The following PLEK2 variants were observed in gnomAD, a reference collection of about 807,000 sequenced individuals.
PLEK2 encodes pleckstrin 2.
Under a neutral mutation model 43.8 loss-of-function variants are expected in PLEK2, and 29 were observed. That is an observed-to-expected ratio of 0.66 (90% confidence interval 0.49 to 0.90). The LOEUF is 0.90. Ranked by LOEUF, PLEK2 falls within the 40% of genes least tolerant of loss-of-function variation. PLEK2 has a pLI of 0.00. For missense variants in PLEK2, 398 were observed against 448.1 expected (o/e 0.89, Z 1.01); for synonymous variants, 162 against 173.2 (o/e 0.94, Z 0.51).
At chr14:67,406,980 G>A (rs1447145563) in intron 1 of PLEK2, among the ~76,000 whole-genome samples, 2 of 152,124 alleles carry the variant, frequency 1.3e-5, no homozygotes, top group Non-Finnish European at 2.9e-5. Context: ...CTGAAGCAGG[G>A]GGTGCTTGGA....
At position 67,395,595 on chromosome 14, in the gene PLEK2, G is replaced by A. The variant is rs748871572; in HGVS notation, c.208-12C>T. On this transcript the variant is annotated splice_polypyrimidine_tract_variant and intron_variant, in intron 2 of 8. Transcript: ENST00000216446. ...AGCTTAATGAGGAGCTGTGGGAAGA[G>A]AGAGCCAGTCAGGCCAGCACTCAGG... is the stretch of plus-strand genomic sequence containing the variant. The A allele has an allele frequency of 1.8e-5, 29 of 1,613,602 alleles. No homozygotes were observed. The highest frequency in any genetic ancestry group is 2.4e-5 in the Non-Finnish European group (28 of 1,179,694).
chr14:67,409,641 G>T (rs950067634), intron 1 of PLEK2, among the ~76,000 whole-genome samples: 7 of 151,908 alleles, frequency 4.6e-5, no homozygotes, highest in Non-Finnish European at 7.4e-5. Flanking sequence ...CTTGCATTTT[G>T]CCTGGAACTC....
intron 1 of PLEK2, 43 bp downstream of exon 1, chr14:67,411,975 G>T: frequency 6.6e-7 from 1 of 1,506,274 alleles, no homozygotes; most frequent in Non-Finnish European, 8.9e-7. Context: ...CGCGTCGGCG[G>T]GGCCCCACCC....
intron 6 of PLEK2, among the ~76,000 whole-genome samples, chr14:67,391,263 C>T (rs964800733): frequency 7.3e-6 from 1 of 137,214 alleles, no homozygotes; most frequent in Non-Finnish European, 1.5e-5. Context: ...AATGTGTAAG[C>T]AGCTGATATG....
At position 67,397,743 on chromosome 14, in the gene PLEK2, C is replaced by T. The variant is rs748727309; in HGVS notation, c.126G>A (p.Arg42=). 19 of 1,613,272 alleles carry T rather than the reference C, an allele frequency of 1.2e-5. No individual in the cohort carries two copies. The Middle Eastern group carries it at 5.0e-4, about 42-fold the overall frequency. ...TCCGGCCCTTGGGAGGGGTCACTCT[C>T]CGACCCCCCTCAAGCTTGTAGTACA... The part of the protein sequence containing the change: ...TLVYYKLEGG[R]RVTPPKGRIL... Residue 42 remains arginine (R), a synonymous_variant, in exon 2 of 9, where the codon CGG becomes CGA. Transcript: ENST00000216446.
intron 1 of PLEK2, among the ~76,000 whole-genome samples, chr14:67,399,856 G>T (rs919495118): frequency 3.3e-5 from 5 of 152,256 alleles, no homozygotes; most frequent in Admixed American, 3.3e-4. Flanking sequence ...ATGGGGAAAT[G>T]TCTGCTGAGG....
At position 67,411,905 on chromosome 14, in the gene PLEK2, G is replaced by A. The variant is rs935296560; in HGVS notation, c.42+113C>T. 32 of 966,970 alleles carry A rather than the reference G, an allele frequency of 3.3e-5. No homozygotes were observed. In the Middle Eastern group the frequency reaches 8.6e-4, roughly 26 times the overall value. 59.9% of individuals were successfully genotyped at this position (966,970 alleles called of 1,614,324 possible). On this transcript the variant is annotated intron_variant, in intron 1 of 8. Coordinates refer to ENST00000216446, the MANE Select transcript of PLEK2 (RefSeq NM_016445.3). The stretch of plus-strand genomic sequence containing the variant: ...GCGGCCCGGTCCCACCATGGGGGTT[G>A]GGGATGGGAACCAGAGCATGCCCGT...
intron 2 of PLEK2, among the ~76,000 whole-genome samples, 184 bp from the exon 3 acceptor site, chr14:67,395,767 G>A (rs1400548697): frequency 1.3e-5 from 2 of 152,186 alleles, no homozygotes; most frequent in Admixed American, 6.5e-5. Flanking sequence ...GGAAGCTTGC[G>A]GCCTCACACT....
At position 67,393,189 on chromosome 14, in the gene PLEK2, T is replaced by A. The variant is rs752399013; in HGVS notation, c.442A>T (p.Asn148Tyr). Residue 148 changes from asparagine to tyrosine, a missense_variant, in exon 4 of 9, where the codon AAC becomes TAC. By Grantham distance (143) the Asn-to-Tyr change is moderately radical. Coordinates refer to ENST00000216446, the MANE Select transcript of PLEK2 (RefSeq NM_016445.3). The stretch of plus-strand genomic sequence containing the variant: ...TTATAGGTGCTTCCCTGCTCCATGT[T>A]GGGGCTTGAACGGATTCCGGTGTTG... ...DSNTGIRSSP[N>Y]MEQGSTYKKT... 1.2e-6 allele frequency: 2 copies of A among 1,614,052 alleles called. No homozygotes were observed. The highest frequency in any genetic ancestry group is 1.7e-5 in the Admixed American group (1 of 60,028).
intron 2 of PLEK2, among the ~76,000 whole-genome samples, chr14:67,396,288 C>G (rs1432314351): frequency 2.6e-5 from 4 of 151,610 alleles, no homozygotes; most frequent in African/African-American, 7.3e-5. Flanking sequence ...GATGGGACTA[C>G]AGACGCCCAC....
intron 7 of PLEK2, among the ~76,000 whole-genome samples, chr14:67,388,660 CAG>C (rs1310515014): frequency 6.6e-6 from 1 of 152,166 alleles, no homozygotes; most frequent in Non-Finnish European, 1.5e-5. Context: ...ACAAAGCAAT[CAG>C]AAATATATAT....
Position 67,395,325 on chromosome 14 carries a change from C to G in PLEK2, c.389+77G>C, listed in dbSNP as rs895707599. ...GACTGTGCAGCAAGCACAGAGCCCC[C>G]CCAAGGGGCAGGGTCCCCTGCCCAC... On this transcript the variant is annotated intron_variant, in intron 3 of 8. Transcript: ENST00000216446. 5.6e-5 allele frequency: 75 copies of G among 1,346,978 alleles called. No individual in the cohort carries two copies. In the African/African-American group the frequency reaches 1.0e-3, roughly 18 times the overall value. The allele number at this position is 1,346,978 out of a possible 1,614,324, so 83.4% of individuals were successfully genotyped here. A position where few individuals can be genotyped will look rare whatever the true frequency, so the allele number is the denominator to read the frequency against.
intron 1 of PLEK2, among the ~76,000 whole-genome samples, chr14:67,405,224 C>CAA (rs770594121): frequency 0.011 from 417 of 39,270 alleles, 6 homozygotes; most frequent in African/African-American, 0.028. Context: ...GAGTCCATCT[C>CAA]AAAAAAAAAA....
In PLEK2 at chr14:67,388,257, C is replaced by A. The variant is rs370486014; in HGVS notation, c.901G>T (p.Val301Leu). 5 of 1,613,412 alleles carry A rather than the reference C, an allele frequency of 3.1e-6. No homozygotes were observed. In the African/African-American group the frequency reaches 6.7e-5, roughly 22 times the overall value. Residue 301 changes from valine (V) to leucine (L), a missense_variant, in exon 8 of 9, where the codon GTG becomes TTG. Transcript: ENST00000216446. ...VGGFSLRGSL[V>L]SALEDNGVPT... is the part of the protein sequence containing the mutation. ...ACGCCATTATCTTCCAGAGCAGACA[C>A]GAGTGAACCACGAAGAGAAAACCCA...
At chr14:67,389,201 G>T (rs2085949509) in intron 7 of PLEK2, among the ~76,000 whole-genome samples, 1 of 151,938 alleles carries the variant, frequency 6.6e-6, no homozygotes. Flanking sequence ...GCAAGAGGTA[G>T]GGCAAAAAAT....
At chr14:67,407,614 T>C (rs574589386) in intron 1 of PLEK2, among the ~76,000 whole-genome samples, 1 of 152,056 alleles carries the variant, frequency 6.6e-6, no homozygotes, top group South Asian at 2.1e-4. Context: ...CTAATTATTT[T>C]ATTTTTTGTA....
At chr14:67,393,820 T>C (rs2085987346) in intron 3 of PLEK2, among the ~76,000 whole-genome samples, 1 of 152,150 alleles carries the variant, frequency 6.6e-6, no homozygotes, top group Non-Finnish European at 1.5e-5. Flanking sequence ...CTCATAAAGA[T>C]GTTTATCTAA....
At position 67,387,361 on chromosome 14, in the gene PLEK2, C is replaced by A. The variant is rs763805895; in HGVS notation, c.1030G>T (p.Glu344Ter). Residue 344 changes from glutamate (E) to a stop codon, truncating the protein, a stop_gained, in exon 9 of 9, where the codon GAG becomes TAG. Coordinates refer to ENST00000216446, the MANE Select transcript of PLEK2 (RefSeq NM_016445.3). LOFTEE classifies it high-confidence loss of function. ...AGCTTTTTGATAGCTTCAATCCACT[C>A]GGCTCGCTCAGCCTTGCTGCTGGCC... is the stretch of plus-strand genomic sequence containing the variant. ...IQASSKAERAEWIEAIKKLT is the reference protein window; with the variant it reads ...IQASSKAERA The A allele has an allele frequency of 1.9e-6, 3 of 1,611,234 alleles. No individual in the cohort carries two copies. Among genetic ancestry groups the A allele is most frequent in the Non-Finnish European group, 2.5e-6 (3 of 1,179,022 alleles).
chr14:67,394,649 TAAC>T (rs2085993369), intron 3 of PLEK2, among the ~76,000 whole-genome samples: 1 of 152,124 alleles, frequency 6.6e-6, no homozygotes, highest in Non-Finnish European at 1.5e-5. Context: ...TGATGGGTGT[TAAC>T]AGTTCTTTTG....
Sources: allele counts gnomAD v4.1 joint callset (sites outside exome capture counted in the v4.1 genomes callset), GRCh38; gene constraint gnomAD v4.1.1; transcripts MANE v1.5; gene names NCBI Gene and HGNC (gene_info 2026-07-23, HGNC 2026-07-21).